Variants in NMNAT1 observed in about 807,000 individuals in gnomAD.
NMNAT1 encodes nicotinamide/nicotinic acid mononucleotide adenylyltransferase 1.
In NMNAT1, 11 loss-of-function variants were observed where a neutral mutation model predicts 16.7. That is an observed-to-expected ratio of 0.66 (90% confidence interval 0.41 to 1.09). NMNAT1 has a LOEUF of 1.09. NMNAT1 is among the 50% of genes least tolerant of loss of function. The pLI is 0.00. For missense variants in NMNAT1, 280 were observed against 332.3 expected (o/e 0.84, Z 1.22); for synonymous variants, 110 against 119.8 (o/e 0.92, Z 0.53).
intron 1 of NMNAT1, chr1:9,960,891 C>T (rs1045021741): frequency 6.6e-6 from 1 of 152,250 alleles, no homozygotes; most frequent in Non-Finnish European, 1.5e-5. Flanking sequence ...GGCCACAGCC[C>T]CCCTATACGC....
chr1:9,946,385 C>T (rs1416055276), intron 1 of NMNAT1, among the ~76,000 whole-genome samples: 1 of 152,136 alleles, frequency 6.6e-6, no homozygotes, highest in South Asian at 2.1e-4. Context: ...AAAGTAACCT[C>T]CAGACTGGGA....
intron 1 of NMNAT1, among the ~76,000 whole-genome samples, chr1:9,958,411 G>C (rs1641319069): frequency 6.6e-6 from 1 of 151,452 alleles, no homozygotes. Context: ...TATTTAGCAG[G>C]CTTTGTTGAT....
intron 1 of NMNAT1, chr1:9,967,591 G>C (rs1167021128): frequency 1.3e-5 from 2 of 151,988 alleles, no homozygotes. Flanking sequence ...GTTCCAGAAA[G>C]AAAATCCTCT....
intron 1 of NMNAT1, among the ~76,000 whole-genome samples, chr1:9,957,682 T>G (rs1045686298): frequency 1.3e-5 from 2 of 152,234 alleles, no homozygotes; most frequent in African/African-American, 4.8e-5. Flanking sequence ...GAAAAATGAC[T>G]TATTTTACAC....
Position 9,975,602 on chromosome 1 carries a change from A to C in NMNAT1, c.126A>C (p.Thr42=). The part of the protein sequence containing the change: ...KDYMNGTGRY[T]VVKGIISPVG... ...TAACTTTTTATCTAGGAAGGTACAC[A>C]GTTGTCAAAGGCATCATCTCTCCTG... Residue 42 remains threonine (T), a synonymous_variant, in exon 3 of 5, where the codon ACA becomes ACC. Coordinates refer to ENST00000377205, the MANE Select transcript of NMNAT1 (RefSeq NM_022787.4). The C allele has an allele frequency of 8.1e-6, 13 of 1,610,966 alleles. No individual in the cohort carries two copies. Among genetic ancestry groups the C allele is most frequent in the Non-Finnish European group, 1.1e-5 (13 of 1,178,838 alleles).
chr1:9,966,107 T>A (rs1201192449), intron 1 of NMNAT1, among the ~76,000 whole-genome samples: 1 of 151,778 alleles, frequency 6.6e-6, no homozygotes, highest in African/African-American at 2.4e-5. Flanking sequence ...GAGACCAGCC[T>A]GGCCAACATG....
At chr1:9,954,973 G>A (rs1057515190) in intron 1 of NMNAT1, among the ~76,000 whole-genome samples, 11 of 150,942 alleles carry the variant, frequency 7.3e-5, no homozygotes, top group African/African-American at 1.5e-4. Flanking sequence ...ATTTGGTTCC[G>A]TACTCAAATT....
At chr1:9,991,720 A>G in the NMNAT1 span, among the ~76,000 whole-genome samples, 1 of 152,178 alleles carries the variant, frequency 6.6e-6, no homozygotes, top group African/African-American at 2.4e-5. Context: ...GTCAATAAAA[A>G]AGAAAAAAGA....
the NMNAT1 span, among the ~76,000 whole-genome samples, chr1:9,991,184 AAT>A: frequency 1.3e-5 from 1 of 77,608 alleles, no homozygotes; most frequent in African/African-American, 4.0e-5. Flanking sequence ...TAGTCAGCTG[AAT>A]TTTTTTTTTT....
rs755365836 is a variant in NMNAT1, at chr1:9,972,082, T to C, written c.9T>C (p.Asn3=). The change falls in exon 2 of 5, where the codon AAT becomes AAC. Residue 3 remains asparagine, a synonymous_variant. Transcript: ENST00000377205. ME[N]SEKTEVVLLA... ...AACTTCAAGTTCTTACCATGGAAAA[T>C]TCCGAGAAGACTGAAGTGGTTCTCC... The C allele has an allele frequency of 1.3e-6, 2 of 1,591,604 alleles. No individual in the cohort carries two copies. Among genetic ancestry groups the C allele is most frequent in the Admixed American group, 1.7e-5 (1 of 59,842 alleles).
chr1:9,979,004 C>T (rs1206446979), intron 3 of NMNAT1, among the ~76,000 whole-genome samples: 3 of 152,174 alleles, frequency 2.0e-5, no homozygotes, highest in Non-Finnish European at 4.4e-5. Flanking sequence ...CAAGTCCTGG[C>T]TCTGCTATTA....
At chr1:9,979,896 G>A (rs554524760) in intron 3 of NMNAT1, among the ~76,000 whole-genome samples, 4 of 151,928 alleles carry the variant, frequency 2.6e-5, no homozygotes, top group East Asian at 1.9e-4. Context: ...CTTCCCTTAC[G>A]GAGATAATAA....
chr1:9,990,379 A>G (rs1046464153), downstream of NMNAT1, among the ~76,000 whole-genome samples: 1 of 152,190 alleles, frequency 6.6e-6, no homozygotes. Flanking sequence ...GTTCATGTTC[A>G]GGAGTGACTC....
chr1:9,961,300 C>G (rs1022091822), intron 1 of NMNAT1, among the ~76,000 whole-genome samples: 3 of 152,120 alleles, frequency 2.0e-5, no homozygotes, highest in Non-Finnish European at 2.9e-5. Context: ...CCACACCTCT[C>G]GAACTCAGCC....
chr1:9,961,455 C>T (rs1641404438), intron 1 of NMNAT1, among the ~76,000 whole-genome samples: 1 of 152,142 alleles, frequency 6.6e-6, no homozygotes, highest in African/African-American at 2.4e-5. Flanking sequence ...TGGTGGATAC[C>T]CTGATTTCTC....
In NMNAT1 at chr1:9,982,521, C is replaced by CA. The variant is rs775978677; in HGVS notation, c.661dup (p.Ile221AsnfsTer29). The CA allele has an allele frequency of 2.2e-5, 35 of 1,614,026 alleles. No homozygotes were observed. The highest frequency in any genetic ancestry group is 2.7e-5 in the Non-Finnish European group (32 of 1,180,038). On this transcript the variant is annotated frameshift_variant, in exon 5 of 5. Coordinates refer to ENST00000377205, the MANE Select transcript of NMNAT1 (RefSeq NM_022787.4). LOFTEE classifies it high-confidence loss of function. ...TGGTGAATGAATGGATCGCTAATGA[C>CA]ATCTCATCCACAAAAATCCGGAGAG...
At chr1:9,951,503 G>A (rs1274201035) in intron 1 of NMNAT1, among the ~76,000 whole-genome samples, 1 of 151,774 alleles carries the variant, frequency 6.6e-6, no homozygotes, top group Non-Finnish European at 1.5e-5. Flanking sequence ...GAGGCAAGAT[G>A]TTGCTTTGTC....
chr1:9,950,968 A>G (rs1307454698), intron 1 of NMNAT1, among the ~76,000 whole-genome samples: 1 of 152,092 alleles, frequency 6.6e-6, no homozygotes, highest in African/African-American at 2.4e-5. Flanking sequence ...ACACACCTTT[A>G]ATTCCAGCTA....
chr1:9,972,885 C>T (rs1408695023), intron 2 of NMNAT1, among the ~76,000 whole-genome samples: 1 of 152,032 alleles, frequency 6.6e-6, no homozygotes. Context: ...TGCTTGAGCC[C>T]GGGAGGTCTA....
Sources: allele counts gnomAD v4.1 joint callset (sites outside exome capture counted in the v4.1 genomes callset), GRCh38; gene constraint gnomAD v4.1.1; transcripts MANE v1.5; gene names NCBI Gene and HGNC (gene_info 2026-07-23, HGNC 2026-07-21).